The following NAV1 variants were observed in gnomAD, a reference collection of about 807,000 sequenced individuals.
NAV1 encodes the protein neuron navigator 1, also known as pore membrane and/or filament interacting like protein 3.
Under a neutral mutation model 175.2 loss-of-function variants are expected in NAV1, and 18 were observed. That is an observed-to-expected ratio of 0.10 (90% CI 0.07 to 0.15). The LOEUF is 0.15. Ranked by LOEUF, NAV1 falls within the 10% of genes least tolerant of loss-of-function variation. The pLI is 1.00. For missense variants in NAV1, 1,731 were observed against 2,436.6 expected (o/e 0.71, Z 6.10); for synonymous variants, 897 against 978.7 (o/e 0.92, Z 1.56).
At chr1:201,748,263 C>G (rs953405017) in intron 3 of NAV1, among the ~76,000 whole-genome samples, 3 of 152,146 alleles carry the variant, frequency 2.0e-5, no homozygotes, top group African/African-American at 7.2e-5. Flanking sequence ...CCAGCTTTTT[C>G]ACGTGGTTTA....
intron 2 of NAV1, among the ~76,000 whole-genome samples, chr1:201,589,063 G>A: frequency 6.6e-6 from 1 of 151,982 alleles, no homozygotes; most frequent in Non-Finnish European, 1.5e-5. Context: ...GGTCAGGCTG[G>A]TCTCAAACTC....
At chr1:201,727,759 G>A (rs1013125863) in intron 3 of NAV1, among the ~76,000 whole-genome samples, 62 of 152,178 alleles carry the variant, frequency 4.1e-4, no homozygotes, top group African/African-American at 1.4e-3. Context: ...TGGGGCTTAC[G>A]GATTTCTAGG....
At chr1:201,713,246 T>A (rs6698131) in intron 2 of NAV1, among the ~76,000 whole-genome samples, 2,477 of 152,312 alleles carry the variant, frequency 0.016, 73 homozygotes, top group African/African-American at 0.057. Context: ...GACCTCTGTC[T>A]CCTCAATCTG....
chr1:201,785,190 T>C, intron 7 of NAV1, 120 bp from the exon 12 acceptor site: 1 of 969,992 alleles, frequency 1.0e-6, no homozygotes, highest in Non-Finnish European at 1.5e-6. Context: ...CAGGTCATAG[T>C]TTGATGTCCT....
intron 1 of NAV1, among the ~76,000 whole-genome samples, chr1:201,544,630 G>C (rs1665614877): frequency 1.3e-5 from 2 of 152,162 alleles, no homozygotes; most frequent in South Asian, 4.1e-4. Flanking sequence ...GTATTAATCT[G>C]TCAGGGATAT....
intron 1 of NAV1, among the ~76,000 whole-genome samples, chr1:201,656,563 A>C (rs955926344): frequency 3.9e-5 from 6 of 152,200 alleles, no homozygotes; most frequent in Non-Finnish European, 7.4e-5. Flanking sequence ...TGAGGCAAGT[A>C]TGACGAGAGC....
intron 2 of NAV1, among the ~76,000 whole-genome samples, chr1:201,642,751 C>CTTCTT (rs1296391989): frequency 5.0e-5 from 7 of 140,786 alleles, no homozygotes; most frequent in Non-Finnish European, 9.2e-5. Flanking sequence ...TCCCTCCCTC[C>CTTCTT]TTCTTTTCTT....
chr1:201,632,998 TG>T (rs200686966), intron 2 of NAV1, among the ~76,000 whole-genome samples: 2,032 of 152,320 alleles, frequency 0.013, 41 homozygotes, highest in African/African-American at 0.045. Flanking sequence ...AAGTTTGTTC[TG>T]GGGGTTTCAA....
chr1:201,602,441 A>T (rs1023081943), intron 2 of NAV1, among the ~76,000 whole-genome samples: 41 of 152,118 alleles, frequency 2.7e-4, no homozygotes, highest in African/African-American at 8.9e-4. Flanking sequence ...TCCCAAGTTC[A>T]ACAATTCTCA....
chr1:201,780,708 AC>A (rs2102706203), intron 4 of NAV1, 149 bp downstream of exon 8: 1 of 999,346 alleles, frequency 1.0e-6, no homozygotes, highest in Non-Finnish European at 1.4e-6. Flanking sequence ...AGTTGCCCCC[AC>A]CCCCTCCCAA....
At chr1:201,781,180 T>A in exon 5 of NAV1, 1 of 1,614,096 alleles carries the variant, frequency 6.2e-7, no homozygotes, top group Non-Finnish European at 8.5e-7. Context: ...TGATGATTCA[T>A]CCAAGGGTGG....
chr1:201,590,953 C>T (rs1392998321), intron 2 of NAV1, among the ~76,000 whole-genome samples: 1 of 152,170 alleles, frequency 6.6e-6, no homozygotes, highest in Non-Finnish European at 1.5e-5. Context: ...CTCCTTGCCT[C>T]TTCTCTCATT....
At chr1:201,596,951 G>C (rs1296957193) in intron 2 of NAV1, among the ~76,000 whole-genome samples, 1 of 152,100 alleles carries the variant, frequency 6.6e-6, no homozygotes, top group Non-Finnish European at 1.5e-5. Context: ...TCAGCCTCCT[G>C]AGTAGCTAAG....
intron 3 of NAV1, among the ~76,000 whole-genome samples, chr1:201,752,350 G>T (rs1674171400): frequency 6.6e-6 from 1 of 152,134 alleles, no homozygotes; most frequent in African/African-American, 2.4e-5. Flanking sequence ...GATTTCTTTG[G>T]ACAAACCTGC....
intron 1 of NAV1, among the ~76,000 whole-genome samples, chr1:201,683,259 G>A (rs1670535920): frequency 6.6e-6 from 1 of 152,134 alleles, no homozygotes; most frequent in Non-Finnish European, 1.5e-5. Flanking sequence ...TTATGTGTTT[G>A]GGGGATGAAG....
chr1:201,594,072 CTTT>C (rs5780076), intron 2 of NAV1, among the ~76,000 whole-genome samples: 2 of 140,898 alleles, frequency 1.4e-5, no homozygotes, highest in African/African-American at 2.6e-5. Context: ...GGGAGTGGCA[CTTT>C]TTTTTTTTTT....
intron 2 of NAV1, among the ~76,000 whole-genome samples, chr1:201,610,361 C>A (rs1667811228): frequency 6.6e-6 from 1 of 152,196 alleles, no homozygotes; most frequent in African/African-American, 2.4e-5. Flanking sequence ...TGAGTTCCCT[C>A]CCTGAAGCTC....
intron 3 of NAV1, chr1:201,724,265 T>C (rs1430124133): frequency 1.3e-5 from 2 of 152,204 alleles, no homozygotes; most frequent in Non-Finnish European, 2.9e-5. Flanking sequence ...GAATTTAATC[T>C]AAATAAGAAG....
intron 1 of NAV1, among the ~76,000 whole-genome samples, chr1:201,702,702 C>T (rs879776944): frequency 0.016 from 2,386 of 149,694 alleles, 148 homozygotes; most frequent in East Asian, 0.039. Flanking sequence ...CTCTCTCTCT[C>T]TCTCTCTCTC....
Sources: gnomAD v4.1 joint callset for allele counts (sites outside exome capture counted in the v4.1 genomes callset) on GRCh38, gnomAD v4.1.1 for gene constraint, MANE v1.5 for transcripts, NCBI Gene and HGNC (gene_info 2026-07-23, HGNC 2026-07-21) for gene names.